SV2B: variants seen among roughly 807,000 people sequenced by gnomAD.
The protein encoded by SV2B is synaptic vesicle glycoprotein 2B.
Under a neutral mutation model 73.9 loss-of-function variants are expected in SV2B, and 41 were observed. That is an observed-to-expected ratio of 0.56 (90% CI 0.43 to 0.72). The LOEUF (loss-of-function observed/expected upper bound fraction) is 0.72, where lower values mean the gene tolerates loss of function less well. SV2B is among the 30% of genes least tolerant of loss of function. The pLI, the probability that SV2B is intolerant of heterozygous loss-of-function variation, is 0.00. For synonymous variants in SV2B, 314 were observed against 314.2 expected, an observed-to-expected ratio of 1.00 and a Z score of 0.01; for missense variants, 764 against 857.8, an observed-to-expected ratio of 0.89 and a Z score of 1.37.
At position 91,246,083 on chromosome 15, in the gene SV2B, ATCC is replaced by A. The variant is rs1217011781; in HGVS notation, c.452-5735_452-5733del. Among the ~76,000 whole-genome samples the A allele has an allele frequency of 2.4e-3, 346 of 141,644 alleles. 4 individuals are homozygous for A. Among genetic ancestry groups the A allele is most frequent in the African/African-American group, 8.7e-3 (327 of 37,724 alleles). The allele number at this position is 141,644 out of a possible 152,430, so 92.9% of individuals were successfully genotyped here. On this transcript the variant is annotated intron_variant, in intron 2 of 12. Coordinates refer to ENST00000394232, the MANE Select transcript of SV2B (RefSeq NM_001323032.3). ...GAGTTAGCAAAAAAAAAAAAAAAAAATCCCCCCTTCAAAGTCTTGTTAGAGGAA... is the reference window on the plus strand; with the variant it reads ...GAGTTAGCAAAAAAAAAAAAAAAAAACCCCTTCAAAGTCTTGTTAGAGGAA...
intron 2 of SV2B, among the ~76,000 whole-genome samples, chr15:91,233,217 A>C (rs1205343148): frequency 6.6e-6 from 1 of 152,234 alleles, no homozygotes; most frequent in Non-Finnish European, 1.5e-5. Flanking sequence ...AAGATACATA[A>C]AATATCACTA....
At chr15:91,120,621 C>T (rs575350554) in intron 1 of SV2B, among the ~76,000 whole-genome samples, 1 of 151,914 alleles carries the variant, frequency 6.6e-6, no homozygotes, top group African/African-American at 2.4e-5. Context: ...GGAAACCAGC[C>T]TGGGCAACAG....
chr15:91,165,033 G>A (rs551918910), intron 1 of SV2B, among the ~76,000 whole-genome samples: 2 of 152,228 alleles, frequency 1.3e-5, no homozygotes, highest in East Asian at 3.9e-4. Context: ...TCAAGCAACT[G>A]TGGATCAAAA....
At chr15:91,272,012 A>G (rs1340971637) in intron 9 of SV2B, among the ~76,000 whole-genome samples, 1 of 152,160 alleles carries the variant, frequency 6.6e-6, no homozygotes. Flanking sequence ...TGACAAAGGA[A>G]ATTCTATTGA....
At chr15:91,275,587 G>A (rs934592934) in intron 9 of SV2B, among the ~76,000 whole-genome samples, 1 of 152,188 alleles carries the variant, frequency 6.6e-6, no homozygotes, top group Non-Finnish European at 1.5e-5. Context: ...CACTTTGGGA[G>A]GCCAAGGTGG....
At position 91,166,978 on chromosome 15, in the gene SV2B, T is replaced by C. The variant is rs2043938599; in HGVS notation, c.-391-58895T>C. Among the ~76,000 whole-genome samples, 3 of 152,016 alleles carry C rather than the reference T, an allele frequency of 2.0e-5. No homozygotes were observed. The South Asian group carries it at 6.2e-4, about 32-fold the overall frequency. ...ACAGGTGCCTGCCACCATGCCCGGC[T>C]ATTTTTTTGTATTTTTAGTAGAGAC... On this transcript the variant is annotated intron_variant, in intron 1 of 12. Transcript: ENST00000394232.
rs1184670627 is a variant in SV2B at position 91,241,371 on chromosome 15, T to G, written c.452-10448T>G. 6.6e-6 allele frequency among the ~76,000 whole-genome samples: 1 copy of G among 152,112 alleles called. No homozygotes were observed. Among genetic ancestry groups the G allele is most frequent in the African/African-American group, 2.4e-5 (1 of 41,420 alleles). On this transcript the variant is annotated intron_variant, in intron 2 of 12. Coordinates refer to ENST00000394232, the MANE Select transcript of SV2B (RefSeq NM_001323032.3). The surrounding 1 kb of genome is among the most constrained non-coding windows in gnomAD (Gnocchi z 4.8). ...CCTAAACCCCGTTGCTGCACCTGGG[T>G]GGTCAGGAACACAGAACATACAATG...
intron 1 of SV2B, among the ~76,000 whole-genome samples, chr15:91,117,072 C>A (rs148363218): frequency 3.3e-5 from 5 of 152,274 alleles, no homozygotes; most frequent in South Asian, 2.1e-4. Flanking sequence ...CAAACGATAT[C>A]AATAGTCACA....
At chr15:91,211,286 A>C (rs1045691659) in intron 1 of SV2B, among the ~76,000 whole-genome samples, 1 of 152,182 alleles carries the variant, frequency 6.6e-6, no homozygotes, top group Non-Finnish European at 1.5e-5. Context: ...AAAAGCTAGA[A>C]GTGTCAGCAG....
chr15:91,105,821 G>T lies in SV2B; in HGVS notation c.-392+5458G>T, dbSNP rs1338409286. ...CCCAGCATTTTGGGAGGCCAAGGTG[G>T]GTGGATCACTTGAGCTCAGGAGTTT... On this transcript the variant is annotated intron_variant, in intron 1 of 12. Coordinates refer to ENST00000394232, the MANE Select transcript of SV2B (RefSeq NM_001323032.3). The surrounding 1 kb of genome is among the most constrained non-coding windows in gnomAD (Gnocchi z 5.5). Among the ~76,000 whole-genome samples the T allele has an allele frequency of 2.6e-5, 4 of 152,138 alleles. No homozygotes were observed. Among genetic ancestry groups the T allele is most frequent in the Non-Finnish European group, 4.4e-5 (3 of 68,036 alleles).
chr15:91,292,633 C>T lies in SV2B; in HGVS notation c.*81C>T, dbSNP rs559329117. On this transcript the variant is annotated 3_prime_UTR_variant, in exon 13 of 13. Transcript: ENST00000394232. ...ATCCACACTTCCTGCCTATCACGGT[C>T]CGGAGGACACCTTGGATAGCACGGG... 6.0e-6 allele frequency: 9 copies of T among 1,495,050 alleles called. No individual in the cohort carries two copies. In the East Asian group the frequency reaches 1.2e-4, roughly 19 times the overall value. 92.6% of individuals were successfully genotyped at this position (1,495,050 alleles called of 1,614,324 possible).
rs1027458880 is a variant in SV2B at position 91,280,275 on chromosome 15, T to G, written c.1374-1453T>G. ...GTCACTGGCCCATTGTAGGTGGTCA[T>G]GGAGTGAATTATTTGGTGGCCCTTT... On this transcript the variant is annotated intron_variant, in intron 9 of 12. Transcript: ENST00000394232. This position sits in a 1 kb window ranked among gnomAD's most constrained non-coding sequence, Gnocchi z 5.8. 6.6e-6 allele frequency among the ~76,000 whole-genome samples: 1 copy of G among 152,136 alleles called. No homozygotes were observed. Among genetic ancestry groups the G allele is most frequent in the Non-Finnish European group, 1.5e-5 (1 of 68,014 alleles).
At chr15:91,201,462 G>A (rs1208416922) in intron 1 of SV2B, among the ~76,000 whole-genome samples, 2 of 152,198 alleles carry the variant, frequency 1.3e-5, no homozygotes, top group African/African-American at 2.4e-5. Flanking sequence ...ATAGTTAATA[G>A]CGTCAGAGCT....
intron 1 of SV2B, among the ~76,000 whole-genome samples, chr15:91,116,356 C>T (rs1335387604): frequency 6.6e-6 from 1 of 152,048 alleles, no homozygotes; most frequent in African/African-American, 2.4e-5. Flanking sequence ...GTTTGAACAC[C>T]GGTCAGCATA....
rs2049413518 is a variant in SV2B, at chr15:91,300,698, A to G, written c.*8146A>G. 1 of 152,174 alleles carries G rather than the reference A, an allele frequency of 6.6e-6. No individual in the cohort carries two copies. The highest frequency in any genetic ancestry group is 6.5e-5 in the Admixed American group (1 of 15,274). The allele number at this position is 152,174 out of a possible 1,614,324, so 9.4% of individuals were successfully genotyped here. ...ATCATTCCCACAGCAACTGCTACAA[A>G]AGTGACTATCTTAATCCTTTGGCTA... On this transcript the variant is annotated 3_prime_UTR_variant, in exon 13 of 13. Transcript: ENST00000394232.
At chr15:91,127,635 C>CA (rs2042524751) in intron 1 of SV2B, among the ~76,000 whole-genome samples, 1 of 152,106 alleles carries the variant, frequency 6.6e-6, no homozygotes, top group East Asian at 1.9e-4. Flanking sequence ...ATGACAGTCA[C>CA]AGAAGGGGCC....
intron 1 of SV2B, among the ~76,000 whole-genome samples, chr15:91,187,451 T>C (rs905995857): frequency 1.3e-5 from 2 of 152,230 alleles, no homozygotes; most frequent in African/African-American, 4.8e-5. Context: ...AAGGTCACTG[T>C]CCAATGTGCT....
At chr15:91,189,860 C>T (rs1269485246) in intron 1 of SV2B, among the ~76,000 whole-genome samples, 2 of 151,718 alleles carry the variant, frequency 1.3e-5, no homozygotes, top group Admixed American at 6.6e-5. Flanking sequence ...TAATGGCGGG[C>T]GCCTGTAGTT....
rs937705546 is a variant in SV2B, at chr15:91,137,369, G to T, written c.-392+37006G>T. Among the ~76,000 whole-genome samples the T allele has an allele frequency of 1.3e-5, 2 of 151,968 alleles. No individual in the cohort carries two copies. The highest frequency in any genetic ancestry group is 2.4e-5 in the African/African-American group (1 of 41,364). ...GATGGAAGATGAGGGTGGCTTCAAA[G>T]CGTTTACCACAAAGCTATTATTTAT... On this transcript the variant is annotated intron_variant, in intron 1 of 12. Transcript: ENST00000394232. This position sits in a 1 kb window ranked among gnomAD's most constrained non-coding sequence, Gnocchi z 4.9.
Sources: allele counts gnomAD v4.1 joint callset (sites outside exome capture counted in the v4.1 genomes callset), GRCh38; gene constraint gnomAD v4.1.1; non-coding constraint Gnocchi (gnomAD v3.1); transcripts MANE v1.5; gene names NCBI Gene and HGNC (gene_info 2026-07-23, HGNC 2026-07-21).